Variants in MBOAT2 observed in about 807,000 individuals in gnomAD.
The protein encoded by MBOAT2 is membrane bound glycerophospholipid O-acyltransferase 2, also known as membrane-bound glycerophospholipid O-acyltransferase 2.
A neutral mutation model predicts 63.4 loss-of-function variants in MBOAT2; 28 were observed. The ratio of observed to expected loss-of-function variants is 0.44; its 90% CI spans 0.33 to 0.61. The LOEUF (loss-of-function observed/expected upper bound fraction) is 0.61. MBOAT2 is among the 20% of genes least tolerant of loss of function. MBOAT2 has a pLI of 0.03. For missense variants in MBOAT2, 470 were observed against 605.8 expected, an observed-to-expected ratio of 0.78 and a Z score of 2.35; for synonymous variants, 211 against 215.6, an observed-to-expected ratio of 0.98 and a Z score of 0.19.
At chr2:8,892,986 A>G (rs1426324691) in intron 4 of MBOAT2, among the ~76,000 whole-genome samples, 1 of 151,188 alleles carries the variant, frequency 6.6e-6, no homozygotes, top group Non-Finnish European at 1.5e-5. Context: ...ATTTTAGGCA[A>G]AAGAGTGACT....
intron 3 of MBOAT2, among the ~76,000 whole-genome samples, chr2:8,929,735 T>C (rs1171682174): frequency 2.6e-5 from 4 of 152,142 alleles, no homozygotes. Context: ...TTTGGGTATA[T>C]ATCTAGTAAT....
intron 8 of MBOAT2, among the ~76,000 whole-genome samples, chr2:8,872,122 A>T (rs538208416): frequency 1.3e-5 from 2 of 152,136 alleles, no homozygotes; most frequent in Non-Finnish European, 2.9e-5. Context: ...AGCCCATTTC[A>T]CCTGACCAGG....
At chr2:8,937,785 T>C (rs1171091223) in intron 3 of MBOAT2, among the ~76,000 whole-genome samples, 1 of 152,104 alleles carries the variant, frequency 6.6e-6, no homozygotes, top group Non-Finnish European at 1.5e-5. Context: ...ACTCACTCTT[T>C]TAAGAAGTAT....
At chr2:8,880,208 C>T (rs1663009089) in intron 6 of MBOAT2, among the ~76,000 whole-genome samples, 1 of 151,710 alleles carries the variant, frequency 6.6e-6, no homozygotes, top group Admixed American at 6.6e-5. Context: ...CCACAGCAGA[C>T]CAAGCAGAAA....
chr2:8,974,168 A>T (rs1670657857), intron 1 of MBOAT2, among the ~76,000 whole-genome samples: 1 of 152,184 alleles, frequency 6.6e-6, no homozygotes, highest in South Asian at 2.1e-4. Context: ...CCAGGCAGTC[A>T]TGTGTTTTAA....
intron 3 of MBOAT2, among the ~76,000 whole-genome samples, chr2:8,929,950 C>T (rs538927310): frequency 2.6e-5 from 4 of 152,222 alleles, no homozygotes; most frequent in East Asian, 1.9e-4. Context: ...CTATAAACAG[C>T]GAAAATTTTG....
intron 4 of MBOAT2, 132 bp from the exon 5 acceptor site, chr2:8,888,205 A>C: frequency 1.3e-6 from 1 of 764,536 alleles, no homozygotes; most frequent in East Asian, 2.7e-5. Context: ...AAAGACCTCC[A>C]AGGGATTTCA....
At chr2:8,964,168 C>T (rs747092157) in intron 1 of MBOAT2, among the ~76,000 whole-genome samples, 1 of 152,222 alleles carries the variant, frequency 6.6e-6, no homozygotes, top group Non-Finnish European at 1.5e-5. Context: ...ATTCCTTCCA[C>T]CCCTCCCACA....
chr2:8,890,094 G>T (rs542181196), intron 4 of MBOAT2, among the ~76,000 whole-genome samples: 11 of 152,150 alleles, frequency 7.2e-5, no homozygotes, highest in African/African-American at 2.4e-4. Context: ...CTAACAGAGC[G>T]GGAGGGAAGG....
At chr2:8,875,386 T>G (rs1438000) in intron 7 of MBOAT2, among the ~76,000 whole-genome samples, 20,963 of 152,216 alleles carry the variant, frequency 0.14, 2,056 homozygotes, top group African/African-American at 0.28. Context: ...TATTTTATGA[T>G]AGTAAAACCC....
At chr2:8,892,499 G>T (rs756590944) in intron 4 of MBOAT2, among the ~76,000 whole-genome samples, 7 of 152,148 alleles carry the variant, frequency 4.6e-5, no homozygotes, top group Non-Finnish European at 7.4e-5. Context: ...GAGCACCTAC[G>T]ATGCACCAAG....
intron 9 of MBOAT2, 55 bp downstream of exon 9, chr2:8,868,391 A>G: frequency 2.7e-6 from 4 of 1,459,838 alleles, no homozygotes; most frequent in Non-Finnish European, 3.8e-6. Context: ...AACTTATGAA[A>G]GCAAACTATG....
chr2:8,885,443 C>T (rs750090119), intron 5 of MBOAT2, among the ~76,000 whole-genome samples: 9 of 152,100 alleles, frequency 5.9e-5, no homozygotes, highest in Non-Finnish European at 1.3e-4. Flanking sequence ...TATTCCAAAA[C>T]CCGAATAAAT....
intron 4 of MBOAT2, among the ~76,000 whole-genome samples, chr2:8,893,930 C>A (rs1295698649): frequency 1.3e-5 from 2 of 152,110 alleles, no homozygotes; most frequent in Non-Finnish European, 2.9e-5. Context: ...CTGTCACCAG[C>A]TTCTCAGCCT....
At chr2:8,864,302 A>G in intron 9 of MBOAT2, 68 bp from the exon 10 acceptor site, 1 of 890,702 alleles carries the variant, frequency 1.1e-6, no homozygotes, top group Non-Finnish European at 1.6e-6. Flanking sequence ...ATAATATATT[A>G]TTATGCTAAA....
intron 7 of MBOAT2, among the ~76,000 whole-genome samples, chr2:8,875,999 G>A (rs968861445): frequency 2.0e-5 from 3 of 152,202 alleles, no homozygotes; most frequent in African/African-American, 7.2e-5. Context: ...ATTTGCAGGA[G>A]AAAGAAGGTG....
intron 1 of MBOAT2, among the ~76,000 whole-genome samples, chr2:8,974,833 A>G (rs1180462749): frequency 1.3e-5 from 2 of 152,128 alleles, no homozygotes; most frequent in Non-Finnish European, 2.9e-5. Flanking sequence ...GTTTCATCCC[A>G]CTAAATTTTA....
At chr2:8,936,800 AAAAAAGAAAAG>A (rs1173232569) in intron 3 of MBOAT2, among the ~76,000 whole-genome samples, 38 of 150,392 alleles carry the variant, frequency 2.5e-4, no homozygotes, top group South Asian at 6.2e-4. Flanking sequence ...AAAAAAAAAA[AAAAAAGAAAAG>A]AAAAAGAAAA....
rs771000239 is a variant in MBOAT2, at chr2:8,856,264, C to T, written c.*2415G>A. On this transcript the variant is annotated 3_prime_UTR_variant, in exon 13 of 13. Transcript: ENST00000305997. This position sits in a 1 kb window ranked among gnomAD's most constrained non-coding sequence, Gnocchi z 4.2. Reference sequence around the variant, plus strand: ...CAGGCTGAGAAATAAATTCAGGTAACAGAAATGTGATTATTTGTAGGTGGC... The same window carrying T: ...CAGGCTGAGAAATAAATTCAGGTAATAGAAATGTGATTATTTGTAGGTGGC... 6.6e-6 allele frequency: 1 copy of T among 150,814 alleles called. No homozygotes were observed. The highest frequency in any genetic ancestry group is 1.5e-5 in the Non-Finnish European group (1 of 67,842). The allele number at this position is 150,814 out of a possible 1,614,324, so 9.3% of individuals were successfully genotyped here.
Sources: gnomAD v4.1 joint callset for allele counts (sites outside exome capture counted in the v4.1 genomes callset) on GRCh38, gnomAD v4.1.1 for gene constraint, Gnocchi (gnomAD v3.1) non-coding constraint, MANE v1.5 for transcripts, NCBI Gene and HGNC (gene_info 2026-07-23, HGNC 2026-07-21) for gene names.